RGS6: variants seen among roughly 807,000 people sequenced by gnomAD.
The protein encoded by RGS6 is regulator of G protein signaling 6, also known as regulator of G-protein signaling 6.
Under a neutral mutation model 78.5 loss-of-function variants are expected in RGS6, and 30 were observed. That is an observed-to-expected ratio of 0.38 (90% confidence interval 0.29 to 0.52). The LOEUF is 0.52. RGS6 is among the 20% of genes least tolerant of loss of function. RGS6 has a pLI of 0.85. For missense variants in RGS6, 495 were observed against 609.7 expected (o/e 0.81, Z 1.98); for synonymous variants, 206 against 206.0 (o/e 1.00, Z 0.00).
intron 15 of RGS6, among the ~76,000 whole-genome samples, chr14:72,528,436 C>G (rs1407865698): frequency 6.6e-6 from 1 of 152,214 alleles, no homozygotes; most frequent in Non-Finnish European, 1.5e-5. Context: ...ATGCCTCCCA[C>G]TGCTGAGGAC....
intron 2 of RGS6, among the ~76,000 whole-genome samples, chr14:72,164,993 G>A (rs1477676222): frequency 2.0e-5 from 3 of 152,192 alleles, no homozygotes; most frequent in African/African-American, 7.2e-5. Flanking sequence ...CAGTCAGGGT[G>A]GAGGTGAGAC....
chr14:72,483,283 C>T (rs1385906116), intron 12 of RGS6, among the ~76,000 whole-genome samples: 3 of 152,210 alleles, frequency 2.0e-5, no homozygotes, highest in Admixed American at 6.5e-5. Context: ...TGCACTGCTG[C>T]ACACAGAGGG....
chr14:72,609,778 C>A, the RGS6 span, among the ~76,000 whole-genome samples: 2 of 152,110 alleles, frequency 1.3e-5, no homozygotes, highest in Non-Finnish European at 2.9e-5. Flanking sequence ...CCAGGGTGGG[C>A]CAAATGGAGA....
At chr14:71,939,656 A>G (rs1022998723) in intron 1 of RGS6, among the ~76,000 whole-genome samples, 1 of 152,250 alleles carries the variant, frequency 6.6e-6, no homozygotes, top group African/African-American at 2.4e-5. Flanking sequence ...AATTTGCTCA[A>G]GCAATGAAAC....
intron 2 of RGS6, among the ~76,000 whole-genome samples, chr14:71,975,662 T>C (rs2094077949): frequency 6.6e-6 from 1 of 152,202 alleles, no homozygotes; most frequent in Non-Finnish European, 1.5e-5. Context: ...TTTCACCATG[T>C]TGACCAGGAT....
chr14:71,932,086 C>G (rs901608076), upstream of RGS6, among the ~76,000 whole-genome samples: 9 of 152,330 alleles, frequency 5.9e-5, no homozygotes, highest in East Asian at 1.5e-3. Context: ...GTTTCCGGAC[C>G]GGGCCAGTTT....
intron 2 of RGS6, among the ~76,000 whole-genome samples, chr14:72,130,664 G>C (rs2096294492): frequency 6.6e-6 from 1 of 152,202 alleles, no homozygotes. Context: ...GACAAAGAAT[G>C]TGTGGCCATC....
At chr14:72,225,893 G>A (rs546708415) in intron 2 of RGS6, among the ~76,000 whole-genome samples, 1 of 152,248 alleles carries the variant, frequency 6.6e-6, no homozygotes, top group East Asian at 1.9e-4. Flanking sequence ...TCAACTAATA[G>A]ATGCTTCAGC....
intron 2 of RGS6, among the ~76,000 whole-genome samples, chr14:72,347,030 C>T (rs2078190815): frequency 6.6e-6 from 1 of 152,182 alleles, no homozygotes; most frequent in South Asian, 2.1e-4. Context: ...TGTGGCCCAT[C>T]CAGGCAGAAC....
In RGS6 at chr14:72,306,827, T is replaced by C. The variant is rs149447996; in HGVS notation, c.85-45268T>C. 9.9e-3 allele frequency among the ~76,000 whole-genome samples: 1,508 copies of C among 152,360 alleles called. 23 individuals carry two copies. The highest frequency in any genetic ancestry group is 0.035 in the African/African-American group (1,448 of 41,568). On this transcript the variant is annotated intron_variant, in intron 2 of 17. Coordinates refer to ENST00000553525, the MANE Select transcript of RGS6 (RefSeq NM_001204424.2). ...GCTCCTGGTGAAAATGCTATGAACA[T>C]TGTTGAAATGACAACAAAGTATTTA...
At chr14:72,278,593 C>T (rs1055142023) in intron 2 of RGS6, among the ~76,000 whole-genome samples, 2 of 152,132 alleles carry the variant, frequency 1.3e-5, no homozygotes, top group Admixed American at 6.5e-5. Context: ...TATATAGCCA[C>T]GTACATACAT....
intron 3 of RGS6, among the ~76,000 whole-genome samples, chr14:72,360,951 G>A (rs767212451): frequency 1.3e-4 from 20 of 152,120 alleles, no homozygotes; most frequent in Middle Eastern, 3.2e-3. Flanking sequence ...GTTTTTATAA[G>A]TGTTTGACAG....
chr14:72,243,148 C>A (rs187694600), intron 2 of RGS6, among the ~76,000 whole-genome samples: 215 of 152,212 alleles, frequency 1.4e-3, no homozygotes, highest in Non-Finnish European at 1.9e-3. Context: ...CTGCACCCGG[C>A]CTTCCAACTT....
intron 2 of RGS6, among the ~76,000 whole-genome samples, chr14:72,302,029 G>A (rs949311872): frequency 4.6e-5 from 7 of 152,326 alleles, no homozygotes; most frequent in African/African-American, 1.7e-4. Flanking sequence ...CCTCTAAGAT[G>A]AACAGATTTG....
chr14:71,971,002 A>G (rs979990351), intron 2 of RGS6, among the ~76,000 whole-genome samples: 2 of 152,190 alleles, frequency 1.3e-5, no homozygotes, highest in Non-Finnish European at 2.9e-5. Flanking sequence ...CAGATTTGTG[A>G]TGTCGTATAC....
the RGS6 span, among the ~76,000 whole-genome samples, chr14:71,912,623 A>G: frequency 6.6e-6 from 1 of 152,086 alleles, no homozygotes; most frequent in African/African-American, 2.4e-5. Context: ...AAATTTCCCA[A>G]ATGACCCAGA....
At chr14:72,615,435 G>T in the RGS6 span, among the ~76,000 whole-genome samples, 1 of 152,176 alleles carries the variant, frequency 6.6e-6, no homozygotes, top group Non-Finnish European at 1.5e-5. Context: ...CTTTTTAAGC[G>T]GAGGGTTGAA....
At chr14:72,410,155 G>A (rs2093296856) in intron 3 of RGS6, among the ~76,000 whole-genome samples, 1 of 152,198 alleles carries the variant, frequency 6.6e-6, no homozygotes, top group African/African-American at 2.4e-5. Context: ...TTCCACAATG[G>A]TTGAACTAGT....
At chr14:72,415,964 G>A (rs1313407307) in intron 3 of RGS6, among the ~76,000 whole-genome samples, 2 of 151,930 alleles carry the variant, frequency 1.3e-5, no homozygotes. Context: ...CCTGACCAAC[G>A]TGGTGAAACC....
Sources: gnomAD v4.1 joint callset for allele counts (sites outside exome capture counted in the v4.1 genomes callset) on GRCh38, gnomAD v4.1.1 for gene constraint, MANE v1.5 for transcripts, NCBI Gene and HGNC (gene_info 2026-07-23, HGNC 2026-07-21) for gene names.